Variants in ARMH4 observed in about 807,000 individuals in gnomAD.
The protein encoded by ARMH4 is armadillo-like helical domain-containing protein 4.
A neutral mutation model predicts 61.9 loss-of-function variants in ARMH4; 49 were observed. The ratio of observed to expected loss-of-function variants is 0.79; its 90% CI spans 0.63 to 1.00. ARMH4 has a LOEUF of 1.00. Ranked by LOEUF, ARMH4 falls within the 50% of genes least tolerant of loss-of-function variation. ARMH4 has a pLI of 0.00. For synonymous variants in ARMH4, 368 were observed against 341.5 expected, an observed-to-expected ratio of 1.08 and a Z score of -0.85; for missense variants, 934 against 930.0, an observed-to-expected ratio of 1.00 and a Z score of -0.06.
intron 1 of ARMH4, among the ~76,000 whole-genome samples, chr14:58,144,468 C>T (rs1887667577): frequency 1.3e-5 from 2 of 152,066 alleles, no homozygotes; most frequent in African/African-American, 4.8e-5. Context: ...TCACTTGAGC[C>T]CAGAAAGTCA....
chr14:58,079,261 A>G (rs1885145508), intron 5 of ARMH4, among the ~76,000 whole-genome samples: 1 of 152,242 alleles, frequency 6.6e-6, no homozygotes, highest in Non-Finnish European at 1.5e-5. Flanking sequence ...CTTATTTCTC[A>G]CAGTTCTGGA....
chr14:58,141,074 T>C (rs951852391), intron 1 of ARMH4, among the ~76,000 whole-genome samples: 3 of 152,156 alleles, frequency 2.0e-5, no homozygotes, highest in African/African-American at 7.2e-5. Flanking sequence ...TAAACTTCTG[T>C]TGTTTATAAA....
chr14:58,068,404 C>T (rs1044281399), intron 5 of ARMH4, among the ~76,000 whole-genome samples: 8 of 152,148 alleles, frequency 5.3e-5, no homozygotes, highest in African/African-American at 1.9e-4. Context: ...CTTCTCAGAA[C>T]GCCACATCCC....
Position 58,029,527 on chromosome 14 carries a change from C to T in ARMH4, c.2090-17377G>A, listed in dbSNP as rs905342121. ...GGGATTACAGGTGTGAGCCACCGTGCCCGGCCAGCATAATATTCTTAAGGT... is the reference window on the plus strand; with the variant it reads ...GGGATTACAGGTGTGAGCCACCGTGTCCGGCCAGCATAATATTCTTAAGGT... On this transcript the variant is annotated intron_variant, in intron 5 of 7. Transcript: ENST00000267485. Among the ~76,000 whole-genome samples, 35 of 152,164 alleles carry T rather than the reference C, an allele frequency of 2.3e-4. 1 individual carries two copies. Among genetic ancestry groups the T allele is most frequent in the Non-Finnish European group, 1.5e-5 (1 of 68,026 alleles).
chr14:58,102,005 T>G (rs978300784), intron 4 of ARMH4, among the ~76,000 whole-genome samples: 1 of 151,856 alleles, frequency 6.6e-6, no homozygotes, highest in Non-Finnish European at 1.5e-5. Flanking sequence ...AAATGAAACT[T>G]GGTGGCCTGC....
intron 5 of ARMH4, among the ~76,000 whole-genome samples, chr14:58,021,787 C>T (rs747571411): frequency 6.6e-6 from 1 of 152,144 alleles, no homozygotes; most frequent in Non-Finnish European, 1.5e-5. Context: ...TGAAACAACC[C>T]AGAAGAGCTC....
chr14:58,134,615 T>C (rs921559199), intron 2 of ARMH4, among the ~76,000 whole-genome samples: 1 of 152,124 alleles, frequency 6.6e-6, no homozygotes, highest in African/African-American at 2.4e-5. Flanking sequence ...AGTTATACAA[T>C]GAAAAATAAC....
intron 5 of ARMH4, among the ~76,000 whole-genome samples, chr14:58,051,884 T>G (rs1346844766): frequency 6.6e-6 from 1 of 152,180 alleles, no homozygotes; most frequent in African/African-American, 2.4e-5. Context: ...AAAAGACAGC[T>G]AGGCCTGATT....
rs1885787008 is a variant in ARMH4, at chr14:58,097,343, C to T, written c.1832-362G>A. ...TTATCAGTTAGCACACTGTGAAATACTAACAGAACTTAAAAGAAGCTGTTC... is the reference window on the plus strand; with the variant it reads ...TTATCAGTTAGCACACTGTGAAATATTAACAGAACTTAAAAGAAGCTGTTC... On this transcript the variant is annotated intron_variant, in intron 4 of 7. Coordinates refer to ENST00000267485, the MANE Select transcript of ARMH4 (RefSeq NM_001001872.4). Among the ~76,000 whole-genome samples, 3 of 152,276 alleles carry T rather than the reference C, an allele frequency of 2.0e-5. No homozygotes were observed. The South Asian group carries it at 6.2e-4, about 32-fold the overall frequency.
At chr14:58,067,461 AAAG>A (rs1884740579) in intron 5 of ARMH4, among the ~76,000 whole-genome samples, 2 of 152,264 alleles carry the variant, frequency 1.3e-5, no homozygotes, top group South Asian at 4.1e-4. Flanking sequence ...GAGACTGGTG[AAAG>A]AAGTGGGGAG....
intron 5 of ARMH4, among the ~76,000 whole-genome samples, chr14:58,061,429 C>T (rs572625189): frequency 6.6e-6 from 1 of 152,170 alleles, no homozygotes; most frequent in African/African-American, 2.4e-5. Flanking sequence ...ACCGAGCCCA[C>T]CTCACTGCCT....
At chr14:58,092,948 T>C (rs1180998247) in intron 5 of ARMH4, among the ~76,000 whole-genome samples, 2 of 152,096 alleles carry the variant, frequency 1.3e-5, no homozygotes, top group African/African-American at 2.4e-5. Context: ...AAATCTCATC[T>C]TGAATTGTAG....
rs1292046919 is a variant in ARMH4 at position 58,002,741 on chromosome 14, C to T, written c.*1995G>A. The T allele has an allele frequency of 6.6e-6, 1 of 152,358 alleles. No individual in the cohort carries two copies. Among genetic ancestry groups the T allele is most frequent in the South Asian group, 2.1e-4 (1 of 4,832 alleles). 9.4% of individuals were successfully genotyped at this position (152,358 alleles called of 1,614,324 possible). Reference sequence around the variant, plus strand: ...TTAGAAAAGGAAAACATCCCTTATGCAATATCAGGATGTCTCTACTCGTGA... The same window carrying T: ...TTAGAAAAGGAAAACATCCCTTATGTAATATCAGGATGTCTCTACTCGTGA... On this transcript the variant is annotated 3_prime_UTR_variant, in exon 8 of 8. Transcript: ENST00000267485.
intron 4 of ARMH4, among the ~76,000 whole-genome samples, chr14:58,125,225 C>T (rs115011529): frequency 2.0e-5 from 3 of 151,994 alleles, no homozygotes; most frequent in Admixed American, 6.5e-5. Context: ...TAATCCCCTC[C>T]GAGAAACCAA....
chr14:58,081,860 T>C (rs1408404853), intron 5 of ARMH4, among the ~76,000 whole-genome samples: 1 of 152,038 alleles, frequency 6.6e-6, no homozygotes, highest in Non-Finnish European at 1.5e-5. Flanking sequence ...AAGGTAGTCA[T>C]GTTGGGATTT....
chr14:58,018,154 G>A (rs369175434), intron 5 of ARMH4, among the ~76,000 whole-genome samples: 9 of 152,102 alleles, frequency 5.9e-5, no homozygotes, highest in African/African-American at 7.2e-5. Context: ...ATATAAGACC[G>A]GAAATTATAA....
chr14:58,111,167 G>T (rs2141287221), intron 4 of ARMH4, among the ~76,000 whole-genome samples: 1 of 152,194 alleles, frequency 6.6e-6, no homozygotes, highest in South Asian at 2.1e-4. Context: ...GTCAAGGAAT[G>T]CTTTTGTCTC....
intron 5 of ARMH4, among the ~76,000 whole-genome samples, chr14:58,028,301 C>T (rs554381177): frequency 6.6e-6 from 1 of 152,326 alleles, no homozygotes; most frequent in East Asian, 1.9e-4. Flanking sequence ...TGAATTGCAG[C>T]AGTGTCACTA....
intron 4 of ARMH4, among the ~76,000 whole-genome samples, chr14:58,104,359 C>T (rs1341320554): frequency 1.3e-5 from 2 of 152,216 alleles, no homozygotes; most frequent in Non-Finnish European, 2.9e-5. Context: ...CACTAAGCAA[C>T]TTATAAGATT....
Sources: gnomAD v4.1 joint callset for allele counts (sites outside exome capture counted in the v4.1 genomes callset) on GRCh38, gnomAD v4.1.1 for gene constraint, MANE v1.5 for transcripts, NCBI Gene and HGNC (gene_info 2026-07-23, HGNC 2026-07-21) for gene names.